Variants in DDX46 observed in about 807,000 individuals in gnomAD.
DDX46 encodes probable ATP-dependent RNA helicase DDX46.
In DDX46, 30 loss-of-function variants were observed where a neutral mutation model predicts 134.9. That is an observed-to-expected ratio of 0.22 (90% CI 0.17 to 0.30). The LOEUF (loss-of-function observed/expected upper bound fraction) is 0.30. Ranked by LOEUF, DDX46 falls within the 10% of genes least tolerant of loss-of-function variation. The pLI, the probability that DDX46 is intolerant of heterozygous loss-of-function variation, is 1.00. For missense variants in DDX46, 622 were observed against 1,248.7 expected, an observed-to-expected ratio of 0.50 and a Z score of 7.56; for synonymous variants, 415 against 404.1, an observed-to-expected ratio of 1.03 and a Z score of -0.32.
chr5:134,826,860 C>A, intron 21 of DDX46, 87 bp from the exon 22 acceptor site: 1 of 1,327,226 alleles, frequency 7.5e-7, no homozygotes, highest in Non-Finnish European at 1.0e-6. Flanking sequence ...AAGTCACCTA[C>A]AGTGTTTCTT....
intron 21 of DDX46, among the ~76,000 whole-genome samples, chr5:134,824,035 A>C (rs186862768): frequency 6.6e-6 from 1 of 152,330 alleles, no homozygotes; most frequent in Admixed American, 6.5e-5. Flanking sequence ...GTGTTTGCTT[A>C]GTATGGTATA....
At chr5:134,767,797 A>G (rs919075153) in intron 3 of DDX46, among the ~76,000 whole-genome samples, 2 of 151,686 alleles carry the variant, frequency 1.3e-5, no homozygotes, top group African/African-American at 4.8e-5. Context: ...CTAAAAATAC[A>G]AAATTAGCTG....
intron 12 of DDX46, 149 bp downstream of exon 12, chr5:134,788,740 T>C: frequency 7.4e-6 from 5 of 675,160 alleles, no homozygotes; most frequent in Non-Finnish European, 1.2e-5. Context: ...TCCCAGCTAC[T>C]TGGGAGGCTG....
intron 18 of DDX46, among the ~76,000 whole-genome samples, chr5:134,814,409 T>C (rs1473154897): frequency 6.6e-6 from 1 of 152,294 alleles, no homozygotes; most frequent in East Asian, 1.9e-4. Flanking sequence ...TTATGAAAAA[T>C]GTAAACAGTA....
chr5:134,772,530 T>A lies in DDX46; in HGVS notation c.448-1166T>A, dbSNP rs570884835. 5.3e-3 allele frequency among the ~76,000 whole-genome samples: 801 copies of A among 151,336 alleles called. 6 individuals carry two copies. Among genetic ancestry groups the A allele is most frequent in the Non-Finnish European group, 8.2e-3 (554 of 67,828 alleles). Reference sequence around the variant, plus strand: ...CGAGACTCTGTCTGGAAAAAAAAAATGTAGACTTAAGAATTTAGACATGAG... The same window carrying A: ...CGAGACTCTGTCTGGAAAAAAAAAAAGTAGACTTAAGAATTTAGACATGAG... On this transcript the variant is annotated intron_variant, in intron 4 of 22. Coordinates refer to ENST00000452510, the MANE Select transcript of DDX46 (RefSeq NM_001300860.2).
chr5:134,828,849 T>G lies in DDX46; in HGVS notation c.*143T>G. On this transcript the variant is annotated 3_prime_UTR_variant, in exon 23 of 23. Transcript: ENST00000452510. ...TTAAATATAAGAAACTGGTACTTGG[T>G]AAAGAAATCTGTCCGTAAGTACCCC... The G allele has an allele frequency of 2.0e-6, 1 of 502,202 alleles. No individual in the cohort carries two copies. The highest frequency in any genetic ancestry group is 3.1e-6 in the Non-Finnish European group (1 of 318,266). 31.1% of individuals were successfully genotyped at this position (502,202 alleles called of 1,614,324 possible). A position where few individuals can be genotyped will look rare whatever the true frequency, so the allele number is the denominator to read the frequency against.
chr5:134,766,841 T>C lies in DDX46; in HGVS notation c.207-76T>C, dbSNP rs1478360174. The C allele has an allele frequency of 7.4e-6, 11 of 1,484,410 alleles. No homozygotes were observed. In the East Asian group the frequency reaches 1.6e-4, roughly 22 times the overall value. 92.0% of individuals were successfully genotyped at this position (1,484,410 alleles called of 1,614,324 possible). On this transcript the variant is annotated intron_variant, in intron 2 of 22. Transcript: ENST00000452510. The stretch of plus-strand genomic sequence containing the variant: ...ATGGTAGTGATTAAGATTCTTTCAA[T>C]GTGGGACAGAATCCCCTGATCTGAA...
At position 134,770,909 on chromosome 5, in the gene DDX46, G is replaced by T. The variant is rs765031559; in HGVS notation, c.357G>T (p.Arg119Ser). The T allele has an allele frequency of 6.3e-7, 1 of 1,582,908 alleles. No homozygotes were observed. Among genetic ancestry groups the T allele is most frequent in the East Asian group, 2.3e-5 (1 of 44,088 alleles). ...TCTTTTATTTTTTTGGTAGATCTAG[G>T]TCCAAAGAGAAAACTGATGGTGGGG... ...NKSKKTENRS[R>S]SKEKTDGGES... is the part of the protein sequence containing the mutation. The change falls in exon 4 of 23, where the codon AGG becomes AGT. Residue 119 changes from arginine to serine, a missense_variant. Physicochemically the swap from Arg to Ser is moderately radical, Grantham distance 110. Around this residue, in one of 8 missense-constraint regions of DDX46, gnomAD observed 244 missense variants for 349.3 expected, o/e 0.70. Coordinates refer to ENST00000452510, the MANE Select transcript of DDX46 (RefSeq NM_001300860.2).
intron 21 of DDX46, among the ~76,000 whole-genome samples, chr5:134,820,864 CT>C (rs1180909732): frequency 3.3e-3 from 412 of 123,236 alleles, no homozygotes; most frequent in African/African-American, 6.5e-3. Flanking sequence ...CTTTTCTTTT[CT>C]TTTTTTTTTT....
At chr5:134,763,644 G>A (rs1045953615) in intron 1 of DDX46, among the ~76,000 whole-genome samples, 6 of 152,094 alleles carry the variant, frequency 3.9e-5, no homozygotes, top group African/African-American at 9.7e-5. Context: ...CGGAGTGTAA[G>A]CTGCCTGGAG....
chr5:134,763,635 G>A (rs551190778), intron 1 of DDX46, among the ~76,000 whole-genome samples: 12 of 152,120 alleles, frequency 7.9e-5, no homozygotes, highest in African/African-American at 1.9e-4. Context: ...TTCCTTTACC[G>A]GAGTGTAAGC....
intron 15 of DDX46, among the ~76,000 whole-genome samples, chr5:134,805,792 G>C (rs919553064): frequency 1.3e-5 from 2 of 151,744 alleles, no homozygotes; most frequent in Non-Finnish European, 2.9e-5. Context: ...CTCGGCCTCC[G>C]AAAGTGCTGG....
intron 15 of DDX46, among the ~76,000 whole-genome samples, chr5:134,801,652 T>G (rs1754832372): frequency 6.6e-6 from 1 of 152,170 alleles, no homozygotes; most frequent in African/African-American, 2.4e-5. Flanking sequence ...CCTCCCGCCT[T>G]AAGCTCCAGA....
At chr5:134,814,313 A>G (rs967280991) in intron 18 of DDX46, among the ~76,000 whole-genome samples, 3 of 152,170 alleles carry the variant, frequency 2.0e-5, no homozygotes, top group Non-Finnish European at 4.4e-5. Context: ...GTGTAAAGGG[A>G]AAACTGCAGT....
Position 134,794,859 on chromosome 5 carries a change from A to G in DDX46, c.1636A>G (p.Ile546Val), listed in dbSNP as rs1754603266. ...DMGFEPQVMR[I>V]VDNVRPDRQT... is the part of the protein sequence containing the mutation. Reference sequence around the variant, plus strand: ...GTTTTCTTTTTCTCAGGTCATGCGCATCGTGGATAATGTTCGTCCTGATCG... The same window carrying G: ...GTTTTCTTTTTCTCAGGTCATGCGCGTCGTGGATAATGTTCGTCCTGATCG... The change falls in exon 14 of 23, where the codon ATC (isoleucine) becomes GTC (valine). Residue 546 changes from isoleucine to valine, a missense_variant. Physicochemically the swap from Ile to Val is conservative, Grantham distance 29. Transcript: ENST00000452510. 3 of 1,595,986 alleles carry G rather than the reference A, an allele frequency of 1.9e-6. No homozygotes were observed. The highest frequency in any genetic ancestry group is 2.6e-6 in the Non-Finnish European group (3 of 1,165,614).
chr5:134,776,165 G>A (rs1580781616), intron 5 of DDX46, among the ~76,000 whole-genome samples: 1 of 152,196 alleles, frequency 6.6e-6, no homozygotes, highest in Middle Eastern at 3.4e-3. Context: ...GCTGAGGCAG[G>A]TGGTTCACAA....
intron 16 of DDX46, among the ~76,000 whole-genome samples, chr5:134,809,532 T>C (rs1195263374): frequency 6.6e-6 from 1 of 151,984 alleles, no homozygotes; most frequent in Non-Finnish European, 1.5e-5. Context: ...CACGCCTGGC[T>C]AATTTTTTGT....
At chr5:134,764,725 T>C (rs1753506059) in intron 2 of DDX46, among the ~76,000 whole-genome samples, 1 of 152,102 alleles carries the variant, frequency 6.6e-6, no homozygotes, top group African/African-American at 2.4e-5. Context: ...ATTCCAATTC[T>C]GCTCCAGGAG....
intron 15 of DDX46, 40 bp downstream of exon 15, chr5:134,796,190 G>A (rs1754648303): frequency 1.2e-6 from 2 of 1,600,778 alleles, no homozygotes; most frequent in African/African-American, 2.7e-5. Flanking sequence ...TATCTATTAA[G>A]TACTTGCCAA....
Sources: allele counts gnomAD v4.1 joint callset (sites outside exome capture counted in the v4.1 genomes callset), GRCh38; gene constraint gnomAD v4.1.1; regional missense constraint gnomAD v4.1.1; transcripts MANE v1.5; gene names NCBI Gene and HGNC (gene_info 2026-07-23, HGNC 2026-07-21).